Variants in MPP7 observed in about 807,000 individuals in gnomAD.
MPP7 encodes MAGUK p55 scaffold protein 7.
A neutral mutation model predicts 76.5 loss-of-function variants in MPP7; 60 were observed. That is an observed-to-expected ratio of 0.78 (90% CI 0.64 to 0.97). MPP7 has a LOEUF of 0.97. Ranked by LOEUF, MPP7 falls within the 50% of genes least tolerant of loss-of-function variation. The pLI is 0.00. For synonymous variants in MPP7, 237 were observed against 244.5 expected (o/e 0.97, Z 0.29); for missense variants, 641 against 694.0 (o/e 0.92, Z 0.86).
intron 1 of MPP7, among the ~76,000 whole-genome samples, chr10:28,240,790 A>C (rs1839242391): frequency 9.3e-6 from 1 of 107,310 alleles, no homozygotes; most frequent in Admixed American, 8.4e-5. Flanking sequence ...ATTCAAAGTC[A>C]AAAAAAGACT....
intron 1 of MPP7, among the ~76,000 whole-genome samples, chr10:28,291,952 A>G (rs1840931206): frequency 1.3e-5 from 2 of 152,214 alleles, no homozygotes; most frequent in Admixed American, 6.5e-5. Flanking sequence ...AGGCCTTCAC[A>G]TTCACTCACC....
chr10:28,199,677 G>A (rs1286030422), intron 3 of MPP7, among the ~76,000 whole-genome samples: 1 of 152,018 alleles, frequency 6.6e-6, no homozygotes, highest in Non-Finnish European at 1.5e-5. Context: ...TGTGATCTCA[G>A]CTCACTGCAG....
At chr10:28,279,306 C>T (rs1840597225) in intron 1 of MPP7, among the ~76,000 whole-genome samples, 1 of 152,050 alleles carries the variant, frequency 6.6e-6, no homozygotes, top group South Asian at 2.1e-4. Flanking sequence ...GTTCCCTTTC[C>T]AAGTCCTTCC....
chr10:28,155,202 A>G (rs1183215276), intron 3 of MPP7, among the ~76,000 whole-genome samples: 1 of 152,180 alleles, frequency 6.6e-6, no homozygotes, highest in Non-Finnish European at 1.5e-5. Flanking sequence ...AAAACTATAT[A>G]CAATTTGTTT....
chr10:28,281,684 A>G lies in MPP7; in HGVS notation c.-132+21177T>C, dbSNP rs186559518. Reference sequence around the variant, plus strand: ...GCCAGGCACTGCACTAAATACTTCTAATGTGTTATCGGATTTAATTCTCAC... The same window carrying G: ...GCCAGGCACTGCACTAAATACTTCTGATGTGTTATCGGATTTAATTCTCAC... On this transcript the variant is annotated intron_variant, in intron 1 of 16. Coordinates refer to ENST00000683449, the MANE Select transcript of MPP7 (RefSeq NM_001318170.2). Among the ~76,000 whole-genome samples, 47 of 152,202 alleles carry G rather than the reference A, an allele frequency of 3.1e-4. No homozygotes were observed. The East Asian group carries it at 8.7e-3, about 28-fold the overall frequency.
intron 3 of MPP7, among the ~76,000 whole-genome samples, chr10:28,197,563 G>C (rs1356845738): frequency 6.6e-6 from 1 of 152,160 alleles, no homozygotes; most frequent in Non-Finnish European, 1.5e-5. Flanking sequence ...TCTGAGGCTA[G>C]TGTTGAGTGA....
rs567458073 is a variant in MPP7, at chr10:28,325,650, T to C, written c.-132+4279A>G. 2.6e-5 allele frequency among the ~76,000 whole-genome samples: 4 copies of C among 152,044 alleles called. No homozygotes were observed. In the South Asian group the frequency reaches 8.3e-4, roughly 32 times the overall value. ...CTGAGATTACAGGCATGCACCACCATACCCGGCTAATTTTTGTATTTTTAG... is the reference window on the plus strand; with the variant it reads ...CTGAGATTACAGGCATGCACCACCACACCCGGCTAATTTTTGTATTTTTAG... On this transcript the variant is annotated intron_variant, in intron 2 of 11. Transcript: ENST00000441595.
intron 1 of MPP7, among the ~76,000 whole-genome samples, chr10:28,302,051 G>GC (rs545418582): frequency 4.2e-4 from 64 of 152,004 alleles, no homozygotes; most frequent in South Asian, 3.3e-3. Context: ...TTTTTAGAGA[G>GC]CCCCCCCTTT....
chr10:28,097,433 G>A (rs1853621923), intron 11 of MPP7, among the ~76,000 whole-genome samples: 1 of 152,096 alleles, frequency 6.6e-6, no homozygotes, highest in Non-Finnish European at 1.5e-5. Flanking sequence ...TATGTGTGAT[G>A]AATTTATTTA....
intron 8 of MPP7, among the ~76,000 whole-genome samples, chr10:28,122,523 T>C (rs748269383): frequency 5.3e-5 from 8 of 152,192 alleles, no homozygotes; most frequent in Admixed American, 1.3e-4. Flanking sequence ...CCCCAAATCA[T>C]ATAAATATAC....
At chr10:28,152,653 A>C (rs1447214731) in intron 3 of MPP7, among the ~76,000 whole-genome samples, 1 of 152,120 alleles carries the variant, frequency 6.6e-6, no homozygotes, top group East Asian at 1.9e-4. Flanking sequence ...CATTTTATTT[A>C]ATTTTATTTA....
At chr10:28,289,427 C>A (rs1840861973) in intron 1 of MPP7, 1 of 152,212 alleles carries the variant, frequency 6.6e-6, no homozygotes, top group African/African-American at 2.4e-5. Context: ...ACAGCCATCC[C>A]AACCAACAGA....
At chr10:28,064,677 C>G (rs1476612530) in intron 13 of MPP7, among the ~76,000 whole-genome samples, 1 of 152,054 alleles carries the variant, frequency 6.6e-6, no homozygotes, top group Non-Finnish European at 1.5e-5. Context: ...TTATAAAATC[C>G]AACTAATTTA....
chr10:28,275,307 C>T (rs890383235), intron 1 of MPP7, among the ~76,000 whole-genome samples: 2 of 152,164 alleles, frequency 1.3e-5, no homozygotes, highest in Admixed American at 1.3e-4. Flanking sequence ...TGACCATTCA[C>T]CTAGATGCCC....
intron 2 of MPP7, among the ~76,000 whole-genome samples, chr10:28,218,304 C>T (rs1019999469): frequency 2.6e-5 from 4 of 152,092 alleles, no homozygotes; most frequent in Admixed American, 6.6e-5. Flanking sequence ...GGGATTTAGT[C>T]GTAGAGGAAT....
At position 28,113,500 on chromosome 10, in the gene MPP7, G is replaced by A. The variant is rs140725958; in HGVS notation, c.952+6151C>T. Among the ~76,000 whole-genome samples the A allele has an allele frequency of 4.8e-3, 736 of 152,212 alleles. 1 individual carries two copies. The highest frequency in any genetic ancestry group is 8.7e-3 in the Non-Finnish European group (592 of 68,024). On this transcript the variant is annotated intron_variant, in intron 11 of 16. Transcript: ENST00000683449. ...GTGGCTATCTTGGTAGGAATAAACC[G>A]GAAACAGGTCAGACAAGAGCCCCAA... is the stretch of plus-strand genomic sequence containing the variant.
chr10:28,272,137 C>T (rs1840345476), intron 1 of MPP7, among the ~76,000 whole-genome samples: 1 of 152,090 alleles, frequency 6.6e-6, no homozygotes, highest in Admixed American at 6.6e-5. Flanking sequence ...CATTCTAGTC[C>T]ATATAGTTTG....
At chr10:28,057,057 T>C (rs979741507) in intron 15 of MPP7, among the ~76,000 whole-genome samples, 2 of 152,240 alleles carry the variant, frequency 1.3e-5, no homozygotes, top group African/African-American at 4.8e-5. Context: ...CCATGATGCC[T>C]GTCTAGATTC....
chr10:28,333,181 G>C (rs572027812), intron 1 of MPP7, among the ~76,000 whole-genome samples: 51 of 152,246 alleles, frequency 3.3e-4, no homozygotes, highest in African/African-American at 1.2e-3. Flanking sequence ...GTGTCACTCT[G>C]TTGCCCAGGC....
Sources: allele counts gnomAD v4.1 joint callset (sites outside exome capture counted in the v4.1 genomes callset), GRCh38; gene constraint gnomAD v4.1.1; transcripts MANE v1.5; gene names NCBI Gene and HGNC (gene_info 2026-07-23, HGNC 2026-07-21).